Variants in CCDC18 observed in about 807,000 individuals in gnomAD.
CCDC18 encodes coiled-coil domain-containing protein 18.
In CCDC18, 157 loss-of-function variants were observed where a neutral mutation model predicts 196.0. The observed-to-expected ratio is 0.80, with a 90% CI of 0.70 to 0.91. The LOEUF is 0.91. CCDC18 is among the 40% of genes least tolerant of loss of function. The pLI, the probability that CCDC18 is intolerant of heterozygous loss-of-function variation, is 0.00. For synonymous variants in CCDC18, 482 were observed against 529.2 expected (o/e 0.91, Z 1.22); for missense variants, 1,465 against 1,611.6 (o/e 0.91, Z 1.56).
chr1:93,199,322 G>C (rs1362772067), intron 6 of CCDC18, among the ~76,000 whole-genome samples: 1 of 152,244 alleles, frequency 6.6e-6, no homozygotes, highest in Non-Finnish European at 1.5e-5. Context: ...GCCGGCTGTG[G>C]TGGTGTGAGC....
At chr1:93,198,040 C>T (rs953138123) in intron 6 of CCDC18, among the ~76,000 whole-genome samples, 4 of 151,702 alleles carry the variant, frequency 2.6e-5, no homozygotes, top group African/African-American at 4.8e-5. Context: ...TGTGAGCCAC[C>T]GCGCCCGGCC....
chr1:93,194,770 T>C (rs1254435539), intron 6 of CCDC18, among the ~76,000 whole-genome samples: 1 of 152,218 alleles, frequency 6.6e-6, no homozygotes, highest in Admixed American at 6.5e-5. Flanking sequence ...GAAGACCACA[T>C]TCACAATATA....
chr1:93,271,493 A>C, intron 28 of CCDC18: 1 of 985,278 alleles, frequency 1.0e-6, no homozygotes, highest in Non-Finnish European at 1.2e-6. Flanking sequence ...CTGTATCTTC[A>C]GGCTTCTTTA....
At chr1:93,261,845 A>G (rs1663841556) in intron 26 of CCDC18, among the ~76,000 whole-genome samples, 1 of 152,044 alleles carries the variant, frequency 6.6e-6, no homozygotes, top group Admixed American at 6.6e-5. Context: ...ATTTTCCATT[A>G]GTCCATTAGT....
chr1:93,222,787 A>G (rs990941883), intron 16 of CCDC18, among the ~76,000 whole-genome samples: 34 of 152,236 alleles, frequency 2.2e-4, no homozygotes, highest in Admixed American at 6.5e-5. Flanking sequence ...GAAGTTTTGT[A>G]ACTAACTGCT....
intron 14 of CCDC18, among the ~76,000 whole-genome samples, chr1:93,219,516 T>C (rs1259821750): frequency 6.6e-6 from 1 of 152,232 alleles, no homozygotes; most frequent in African/African-American, 2.4e-5. Context: ...GCAGTTGATC[T>C]GATAACCAAG....
chr1:93,251,392 T>C (rs543059127), intron 23 of CCDC18, among the ~76,000 whole-genome samples: 1 of 152,208 alleles, frequency 6.6e-6, no homozygotes, highest in African/African-American at 2.4e-5. Flanking sequence ...GATTTCAGTG[T>C]TGGTGTAACA....
chr1:93,254,344 T>C (rs1390098134), intron 23 of CCDC18, 127 bp from the exon 24 acceptor site: 1 of 637,850 alleles, frequency 1.6e-6, no homozygotes, highest in Non-Finnish European at 2.6e-6. Context: ...CAGGATACGA[T>C]TGCCTTAACC....
In CCDC18 at chr1:93,245,980, A is replaced by G. The variant is rs541831652; in HGVS notation, c.2982-125A>G. ...TTATTCCTTAAATTTGACCCTTTCAATCTGACTTGATTGCATATATTATTT... is the reference window on the plus strand; with the variant it reads ...TTATTCCTTAAATTTGACCCTTTCAGTCTGACTTGATTGCATATATTATTT... On this transcript the variant is annotated intron_variant, in intron 21 of 28. Coordinates refer to ENST00000690025, the MANE Select transcript of CCDC18 (RefSeq NM_001378204.1). 27 of 497,880 alleles carry G rather than the reference A, an allele frequency of 5.4e-5. No homozygotes were observed. In the South Asian group the frequency reaches 1.1e-3, roughly 20 times the overall value. 30.8% of individuals were successfully genotyped at this position (497,880 alleles called of 1,614,324 possible). A position where few individuals can be genotyped will look rare whatever the true frequency, so the allele number is the denominator to read the frequency against.
upstream of CCDC18, chr1:93,180,314 A>C: frequency 6.7e-7 from 1 of 1,483,062 alleles, no homozygotes; most frequent in South Asian, 1.3e-5. Context: ...TCCTCTCTGG[A>C]CTCCTCGTGG....
At chr1:93,264,676 C>A (rs1380649675) in intron 26 of CCDC18, 25 bp from the exon 27 acceptor site, 4 of 1,406,102 alleles carry the variant, frequency 2.8e-6, no homozygotes, top group Non-Finnish European at 2.0e-6. Context: ...TATTTTTTTT[C>A]TTTTCCAATT....
intron 1 of CCDC18, 145 bp from the exon 2 acceptor site, chr1:93,183,215 T>TTTTTG: frequency 1.9e-6 from 1 of 519,124 alleles, no homozygotes; most frequent in Non-Finnish European, 3.2e-6. Context: ...TATTATTGAT[T>TTTTTG]TTTTGTTTTG....
chr1:93,199,694 G>A (rs1653478468), intron 6 of CCDC18: 1 of 152,338 alleles, frequency 6.6e-6, no homozygotes, highest in Admixed American at 6.5e-5. Context: ...CAAACAAGTG[G>A]AGGGTGAGCA....
chr1:93,220,119 C>T (rs988845090), intron 14 of CCDC18, among the ~76,000 whole-genome samples: 2 of 151,952 alleles, frequency 1.3e-5, no homozygotes, highest in Non-Finnish European at 2.9e-5. Context: ...AAAACTAAAA[C>T]AAAAAACTTT....
intron 28 of CCDC18, 96 bp from the exon 29 acceptor site, chr1:93,278,367 G>A (rs917116735): frequency 2.6e-5 from 12 of 455,200 alleles, no homozygotes; most frequent in Middle Eastern, 3.8e-4. Context: ...TCTCACTCTC[G>A]CTTTAAATTA....
intron 7 of CCDC18, among the ~76,000 whole-genome samples, chr1:93,203,527 G>A (rs1654201707): frequency 6.6e-6 from 1 of 152,054 alleles, no homozygotes; most frequent in Non-Finnish European, 1.5e-5. Flanking sequence ...ATAAAGAACA[G>A]GTAGATTAGC....
intron 6 of CCDC18, among the ~76,000 whole-genome samples, chr1:93,195,781 A>G (rs1354267218): frequency 2.0e-5 from 3 of 152,152 alleles, no homozygotes; most frequent in Non-Finnish European, 4.4e-5. Context: ...TTGATCTTGG[A>G]CTTCCCAGCC....
intron 28 of CCDC18, among the ~76,000 whole-genome samples, chr1:93,277,649 CAGA>C (rs1218696928): frequency 1.3e-5 from 2 of 150,820 alleles, no homozygotes; most frequent in South Asian, 2.1e-4. Flanking sequence ...AATCTCAAGG[CAGA>C]AGAATTTTTC....
At chr1:93,266,090 C>T (rs1664463723) in intron 27 of CCDC18, among the ~76,000 whole-genome samples, 2 of 152,222 alleles carry the variant, frequency 1.3e-5, no homozygotes, top group Admixed American at 1.3e-4. Flanking sequence ...TCACCACAAA[C>T]TGTCTCTGAG....
Sources: gnomAD v4.1 joint callset for allele counts (sites outside exome capture counted in the v4.1 genomes callset) on GRCh38, gnomAD v4.1.1 for gene constraint, MANE v1.5 for transcripts, NCBI Gene and HGNC (gene_info 2026-07-23, HGNC 2026-07-21) for gene names.